Variants in KLHL2 observed in about 807,000 individuals in gnomAD.
KLHL2 encodes the protein kelch like family member 2.
KLHL2 carries 15 observed loss-of-function variants against 75.8 expected under a neutral mutation model. The ratio of observed to expected loss-of-function variants is 0.20; its 90% CI spans 0.13 to 0.30. KLHL2 has a LOEUF of 0.30. Ranked by LOEUF, KLHL2 falls within the 10% of genes least tolerant of loss-of-function variation. KLHL2 has a pLI of 1.00. For synonymous variants in KLHL2, 214 were observed against 251.9 expected (o/e 0.85, Z 1.42); for missense variants, 381 against 741.0 (o/e 0.51, Z 5.64).
At chr4:165,293,808 G>A (rs1744703203) in intron 5 of KLHL2, among the ~76,000 whole-genome samples, 2 of 151,624 alleles carry the variant, frequency 1.3e-5, no homozygotes, top group South Asian at 2.1e-4. Context: ...GAGCCACTGC[G>A]CCCGGCCCAA....
intron 5 of KLHL2, among the ~76,000 whole-genome samples, chr4:165,267,572 T>C (rs1463058397): frequency 6.6e-6 from 1 of 152,208 alleles, no homozygotes; most frequent in Admixed American, 6.5e-5. Flanking sequence ...GGGATAATCA[T>C]GTGGTTTTTG....
At chr4:165,258,395 CAAAAAA>C (rs56083222) in intron 4 of KLHL2, among the ~76,000 whole-genome samples, 6 of 105,554 alleles carry the variant, frequency 5.7e-5, no homozygotes, top group Non-Finnish European at 8.0e-5. Context: ...TTAACTATGA[CAAAAAA>C]AAAAAAAAAA....
chr4:165,309,228 A>G (rs1474824862), intron 9 of KLHL2, among the ~76,000 whole-genome samples: 1 of 152,126 alleles, frequency 6.6e-6, no homozygotes, highest in Non-Finnish European at 1.5e-5. Flanking sequence ...CACAACATAG[A>G]TGTTATTTGC....
intron 1 of KLHL2, among the ~76,000 whole-genome samples, chr4:165,209,099 C>T (rs1737034254): frequency 6.6e-6 from 1 of 152,142 alleles, no homozygotes; most frequent in Non-Finnish European, 1.5e-5. Context: ...AGATAAGACT[C>T]TTGAATTGGC....
chr4:165,302,687 G>A (rs1045422507), intron 8 of KLHL2, among the ~76,000 whole-genome samples: 15 of 151,790 alleles, frequency 9.9e-5, no homozygotes, highest in Admixed American at 6.6e-5. Flanking sequence ...ATATTTCTGG[G>A]TATATATTAT....
At chr4:165,315,528 A>G (rs529780977) in intron 13 of KLHL2, among the ~76,000 whole-genome samples, 63 of 152,286 alleles carry the variant, frequency 4.1e-4, no homozygotes, top group African/African-American at 1.2e-3. Flanking sequence ...TTCTCAATCA[A>G]TGATGTTTAT....
chr4:165,283,769 C>G (rs538398178), intron 5 of KLHL2, among the ~76,000 whole-genome samples: 1 of 152,360 alleles, frequency 6.6e-6, no homozygotes, highest in South Asian at 2.1e-4. Context: ...CATTTCTCTT[C>G]TGCACTGCCC....
At chr4:165,279,680 G>A (rs750386913) in intron 5 of KLHL2, 2 of 1,570,982 alleles carry the variant, frequency 1.3e-6, no homozygotes, top group Non-Finnish European at 8.8e-7. Flanking sequence ...GTTTGCGGCC[G>A]GTTTCCTGGG....
chr4:165,275,736 A>G (rs1454149725), intron 5 of KLHL2, among the ~76,000 whole-genome samples: 3 of 152,208 alleles, frequency 2.0e-5, no homozygotes, highest in African/African-American at 7.2e-5. Flanking sequence ...TACCACACCC[A>G]GCCTGACTAC....
intron 5 of KLHL2, among the ~76,000 whole-genome samples, chr4:165,281,013 A>G (rs558043452): frequency 1.1e-4 from 16 of 152,288 alleles, no homozygotes; most frequent in African/African-American, 3.6e-4. Flanking sequence ...TTTCCCAAAA[A>G]CACTTTGTCT....
At position 165,282,291 on chromosome 4, in the gene KLHL2, T is replaced by A. The variant is rs1743752786; in HGVS notation, c.545-12068T>A. Among the ~76,000 whole-genome samples the A allele has an allele frequency of 3.3e-5, 5 of 152,234 alleles. No individual in the cohort carries two copies. The South Asian group carries it at 1.0e-3, about 31-fold the overall frequency. On this transcript the variant is annotated intron_variant, in intron 5 of 14. Transcript: ENST00000226725. ...GTGCAGTAACTGTTGATTTTTACTGTACCTTACTGAGATACAGTAGGATGA... is the reference window on the plus strand; with the variant it reads ...GTGCAGTAACTGTTGATTTTTACTGAACCTTACTGAGATACAGTAGGATGA...
Position 165,219,694 on chromosome 4 carries a change from A to G in KLHL2, c.27-240A>G. On this transcript the variant is annotated intron_variant, in intron 1 of 14. Coordinates refer to ENST00000226725, the MANE Select transcript of KLHL2 (RefSeq NM_007246.4). ...CACTTCTGCTGAATATTCTGTGTTG[A>G]TCTTTGACGGAACTTGGACACCAGG... 4 of 1,275,380 alleles carry G rather than the reference A, an allele frequency of 3.1e-6. No homozygotes were observed. The South Asian group carries it at 9.6e-5, about 31-fold the overall frequency. 79.0% of individuals were successfully genotyped at this position (1,275,380 alleles called of 1,614,324 possible). A position where few individuals can be genotyped will look rare whatever the true frequency, so the allele number is the denominator to read the frequency against.
intron 5 of KLHL2, among the ~76,000 whole-genome samples, chr4:165,289,811 C>T (rs1210107632): frequency 6.6e-6 from 1 of 152,126 alleles, no homozygotes; most frequent in Non-Finnish European, 1.5e-5. Context: ...AACATGTAGT[C>T]ACAGTATGGA....
Position 165,243,095 on chromosome 4 carries a change from C to T in KLHL2, c.381+4196C>T, listed in dbSNP as rs567354255. Among the ~76,000 whole-genome samples the T allele has an allele frequency of 5.4e-5, 8 of 149,248 alleles. No homozygotes were observed. The East Asian group carries it at 1.6e-3, about 29-fold the overall frequency. ...TTTATAAATTCAAAAATGTAAATGTCTTTATAACTGAAAATTTTTTTCACG... is the reference window on the plus strand; with the variant it reads ...TTTATAAATTCAAAAATGTAAATGTTTTTATAACTGAAAATTTTTTTCACG... On this transcript the variant is annotated intron_variant, in intron 4 of 14. Transcript: ENST00000226725.
intron 4 of KLHL2, among the ~76,000 whole-genome samples, chr4:165,255,512 T>C (rs1390348992): frequency 1.3e-5 from 2 of 151,930 alleles, no homozygotes; most frequent in African/African-American, 4.8e-5. Context: ...GGAAGAAAGT[T>C]TCCTTCCTCT....
intron 5 of KLHL2, among the ~76,000 whole-genome samples, chr4:165,284,928 T>G (rs890150602): frequency 6.6e-5 from 10 of 152,318 alleles, no homozygotes; most frequent in Middle Eastern, 6.8e-3. Context: ...GAAACTCCCA[T>G]TTTTAAAACC....
At chr4:165,234,862 G>A (rs766353365) in intron 3 of KLHL2, among the ~76,000 whole-genome samples, 1 of 151,986 alleles carries the variant, frequency 6.6e-6, no homozygotes, top group African/African-American at 2.4e-5. Context: ...GACTGGGTAC[G>A]GTGGCTTATG....
intron 2 of KLHL2, among the ~76,000 whole-genome samples, chr4:165,226,509 C>T (rs187132803): frequency 5.9e-5 from 9 of 152,186 alleles, no homozygotes; most frequent in Admixed American, 5.9e-4. Flanking sequence ...ATCTTTATTA[C>T]GGTGCTTTCC....
At chr4:165,304,075 G>A (rs1745549724) in intron 8 of KLHL2, among the ~76,000 whole-genome samples, 1 of 151,374 alleles carries the variant, frequency 6.6e-6, no homozygotes, top group Non-Finnish European at 1.5e-5. Flanking sequence ...GTGGAGAAAG[G>A]GGACTTGCTG....
Sources: allele counts gnomAD v4.1 joint callset (sites outside exome capture counted in the v4.1 genomes callset), GRCh38; gene constraint gnomAD v4.1.1; transcripts MANE v1.5; gene names NCBI Gene and HGNC (gene_info 2026-07-23, HGNC 2026-07-21).